OSBPL8: variants seen among roughly 807,000 people sequenced by gnomAD.
OSBPL8 encodes oxysterol-binding protein-related protein 8.
In OSBPL8, 59 loss-of-function variants were observed where a neutral mutation model predicts 125.5. The ratio of observed to expected loss-of-function variants is 0.47; its 90% confidence interval spans 0.38 to 0.58. The LOEUF (loss-of-function observed/expected upper bound fraction) is 0.58, where lower values mean the gene tolerates loss of function less well. Among genes scored for constraint, OSBPL8 ranks in the 20% least tolerant of loss-of-function variants. The pLI is 0.00. For synonymous variants in OSBPL8, 330 were observed against 338.9 expected (o/e 0.97, Z 0.29); for missense variants, 758 against 1,047.8 (o/e 0.72, Z 3.82).
At chr12:76,385,502 T>C (rs1953271010) in intron 14 of OSBPL8, among the ~76,000 whole-genome samples, 1 of 152,088 alleles carries the variant, frequency 6.6e-6, no homozygotes, top group African/African-American at 2.4e-5. Context: ...AAAATAAATA[T>C]TCTGTAAAAA....
At chr12:76,559,208 A>G (rs1055269383) in intron 1 of OSBPL8, among the ~76,000 whole-genome samples, 189 bp downstream of exon 1, 1 of 152,114 alleles carries the variant, frequency 6.6e-6, no homozygotes, top group Non-Finnish European at 1.5e-5. Flanking sequence ...GTGGGCCCCT[A>G]AACACTCCAC....
At chr12:76,394,305 A>G (rs969203334) in intron 9 of OSBPL8, among the ~76,000 whole-genome samples, 4 of 152,146 alleles carry the variant, frequency 2.6e-5, no homozygotes, top group African/African-American at 9.7e-5. Flanking sequence ...ATGTCTCATA[A>G]ATGGTAACAT....
chr12:76,557,611 TAAAAAAAA>T (rs35658174), intron 1 of OSBPL8, among the ~76,000 whole-genome samples: 101 of 136,424 alleles, frequency 7.4e-4, no homozygotes, highest in African/African-American at 2.6e-3. Context: ...GAGACAGTCT[TAAAAAAAA>T]AAAAAAAAAA....
intron 4 of OSBPL8, among the ~76,000 whole-genome samples, chr12:76,416,840 C>A (rs1004535718): frequency 1.3e-5 from 2 of 151,966 alleles, no homozygotes; most frequent in African/African-American, 4.8e-5. Context: ...CTATTTGTTC[C>A]TCCCATACTC....
At chr12:76,437,505 G>C (rs1241283179) in intron 4 of OSBPL8, among the ~76,000 whole-genome samples, 1 of 152,040 alleles carries the variant, frequency 6.6e-6, no homozygotes, top group Non-Finnish European at 1.5e-5. Flanking sequence ...TGGTCTTTTT[G>C]GTTAATCCAT....
chr12:76,355,588 G>A lies in OSBPL8; in HGVS notation c.*301C>T. ...AGAATACAAAGACTACTGTCAGGTA[G>A]GAGTACATAAGAGACAATTGTGTAT... On this transcript the variant is annotated 3_prime_UTR_variant, in exon 24 of 24. Coordinates refer to ENST00000261183, the MANE Select transcript of OSBPL8 (RefSeq NM_020841.5). 1 of 206,822 alleles carries A rather than the reference G, an allele frequency of 4.8e-6. No homozygotes were observed. Among genetic ancestry groups the A allele is most frequent in the East Asian group, 1.1e-4 (1 of 8,922 alleles). 12.8% of individuals were successfully genotyped at this position (206,822 alleles called of 1,614,324 possible).
At chr12:76,403,725 C>T (rs1297574800) in intron 5 of OSBPL8, among the ~76,000 whole-genome samples, 1 of 152,118 alleles carries the variant, frequency 6.6e-6, no homozygotes, top group Non-Finnish European at 1.5e-5. Flanking sequence ...GTATACAGAA[C>T]TTGATTCAAA....
chr12:76,553,987 A>C (rs1951021366), intron 1 of OSBPL8, among the ~76,000 whole-genome samples: 1 of 151,182 alleles, frequency 6.6e-6, no homozygotes, highest in Non-Finnish European at 1.5e-5. Context: ...AAAAAAAAAA[A>C]AAAAAAAACA....
intron 15 of OSBPL8, 103 bp from the exon 16 acceptor site, chr12:76,378,653 T>C (rs1055735998): frequency 1.3e-6 from 1 of 766,332 alleles, no homozygotes; most frequent in African/African-American, 1.7e-5. Context: ...CAGTAGAAAG[T>C]CTTAAAAATG....
chr12:76,463,155 T>A (rs1376169673), intron 2 of OSBPL8, among the ~76,000 whole-genome samples: 2 of 152,116 alleles, frequency 1.3e-5, no homozygotes, highest in South Asian at 2.1e-4. Context: ...CACTATAATC[T>A]AGGAGAGGGG....
chr12:76,390,198 A>G (rs1953499272), intron 11 of OSBPL8: 3 of 454,834 alleles, frequency 6.6e-6, no homozygotes, highest in Non-Finnish European at 1.1e-5. Context: ...AGCTTGAAGA[A>G]AATGTAAACT....
intron 4 of OSBPL8, among the ~76,000 whole-genome samples, chr12:76,443,571 C>T (rs1420727037): frequency 3.3e-5 from 5 of 152,096 alleles, no homozygotes; most frequent in Non-Finnish European, 5.9e-5. Flanking sequence ...TGCAGTGGCG[C>T]GATCTTGGCT....
chr12:76,417,373 T>C (rs1868821459), intron 4 of OSBPL8, among the ~76,000 whole-genome samples: 1 of 152,238 alleles, frequency 6.6e-6, no homozygotes, highest in African/African-American at 2.4e-5. Flanking sequence ...AGGTTTAAGT[T>C]TCTTTTTAAT....
chr12:76,507,541 C>T (rs1251123269), intron 1 of OSBPL8, among the ~76,000 whole-genome samples: 3 of 151,764 alleles, frequency 2.0e-5, no homozygotes, highest in East Asian at 1.9e-4. Context: ...AAAAATGTGC[C>T]GGGTGTGGTG....
Position 76,386,108 on chromosome 12 carries a change from T to A in OSBPL8, c.1533+60A>T, listed in dbSNP as rs1472950093. On this transcript the variant is annotated intron_variant, in intron 14 of 23. Transcript: ENST00000261183. ...TTGAGTTTACTGGGTAAATATTTTC[T>A]ATAAAAATATTCCAATAACTTCCAG... is the stretch of plus-strand genomic sequence containing the variant. 3 of 1,546,758 alleles carry A rather than the reference T, an allele frequency of 1.9e-6. No individual in the cohort carries two copies. The South Asian group carries it at 3.7e-5, about 19-fold the overall frequency.
intron 2 of OSBPL8, among the ~76,000 whole-genome samples, chr12:76,464,372 TA>T (rs1472913206): frequency 4.6e-5 from 7 of 152,242 alleles, no homozygotes; most frequent in Non-Finnish European, 1.0e-4. Flanking sequence ...CACAGTTATC[TA>T]ATTTTGTTAT....
At chr12:76,413,417 C>G (rs1254926332) in intron 4 of OSBPL8, among the ~76,000 whole-genome samples, 2 of 152,174 alleles carry the variant, frequency 1.3e-5, no homozygotes, top group Admixed American at 1.3e-4. Context: ...TTATCAGACA[C>G]TTGGATTGTT....
intron 1 of OSBPL8, among the ~76,000 whole-genome samples, chr12:76,525,175 T>C (rs1950138090): frequency 6.6e-6 from 1 of 152,200 alleles, no homozygotes; most frequent in Non-Finnish European, 1.5e-5. Flanking sequence ...CTGATACGAA[T>C]AAATTTTTAA....
At chr12:76,531,898 A>G (rs1296529425) in intron 1 of OSBPL8, among the ~76,000 whole-genome samples, 1 of 151,942 alleles carries the variant, frequency 6.6e-6, no homozygotes, top group African/African-American at 2.4e-5. Context: ...TTAGCCAGGC[A>G]TGGTGGTGGG....
Sources: allele counts gnomAD v4.1 joint callset (sites outside exome capture counted in the v4.1 genomes callset), GRCh38; gene constraint gnomAD v4.1.1; transcripts MANE v1.5; gene names NCBI Gene and HGNC (gene_info 2026-07-23, HGNC 2026-07-21).